The following ADAMTS19 variants were observed in gnomAD, a reference collection of about 807,000 sequenced individuals.
ADAMTS19 encodes the protein ADAM metallopeptidase with thrombospondin type 1 motif 19, also known as A disintegrin and metalloproteinase with thrombospondin motifs 19.
A neutral mutation model predicts 153.3 loss-of-function variants in ADAMTS19; 93 were observed. The ratio of observed to expected loss-of-function variants is 0.61; its 90% CI spans 0.51 to 0.72. ADAMTS19 has a LOEUF of 0.72. ADAMTS19 is among the 30% of genes least tolerant of loss of function. ADAMTS19 has a pLI of 0.00. For missense variants in ADAMTS19, 1,482 were observed against 1,552.1 expected (o/e 0.95, Z 0.76); for synonymous variants, 600 against 556.6 (o/e 1.08, Z -1.10).
intron 6 of ADAMTS19, among the ~76,000 whole-genome samples, chr5:129,537,074 A>AC (rs1752462885): frequency 6.6e-6 from 1 of 151,840 alleles, no homozygotes; most frequent in African/African-American, 2.4e-5. Flanking sequence ...ATTTAAAAAA[A>AC]AGAAAAAAGA....
At chr5:129,731,579 A>G (rs1378058309) in intron 21 of ADAMTS19, among the ~76,000 whole-genome samples, 1 of 152,108 alleles carries the variant, frequency 6.6e-6, no homozygotes, top group Non-Finnish European at 1.5e-5. Context: ...GCTGAGGACT[A>G]AAAACAAATC....
chr5:129,605,415 C>T (rs1750845804), intron 8 of ADAMTS19, among the ~76,000 whole-genome samples: 1 of 152,160 alleles, frequency 6.6e-6, no homozygotes, highest in African/African-American at 2.4e-5. Flanking sequence ...GGGACTTGGC[C>T]TTTCCTTTGA....
chr5:129,622,403 T>G (rs1242798983), intron 10 of ADAMTS19, 55 bp downstream of exon 10: 1 of 1,590,606 alleles, frequency 6.3e-7, no homozygotes, highest in Admixed American at 1.7e-5. Context: ...AAGTATTGAT[T>G]GGTAGGAGAA....
chr5:129,528,640 G>A lies in ADAMTS19; in HGVS notation c.1291G>A (p.Asp431Asn). 6 of 1,602,062 alleles carry A rather than the reference G, an allele frequency of 3.7e-6. No individual in the cohort carries two copies. The highest frequency in any genetic ancestry group is 5.1e-6 in the Non-Finnish European group (6 of 1,175,306). ...HLEMSTNWGEDMTSVDAAILI... is the reference protein window; with the variant it reads ...HLEMSTNWGENMTSVDAAILI... ...AGAGATGTCAACAAACTGGGGGGAA[G>A]ACATGACTTCAGTGGATGCAGCTAT... The change falls in exon 6 of 23, where the codon GAC becomes AAC. Residue 431 changes from aspartate (D) to asparagine (N), a missense_variant. Coordinates refer to ENST00000274487, the MANE Select transcript of ADAMTS19 (RefSeq NM_133638.6).
chr5:129,472,739 G>A lies in ADAMTS19; in HGVS notation c.747+10982G>A, dbSNP rs564563936. Among the ~76,000 whole-genome samples, 4 of 151,274 alleles carry A rather than the reference G, an allele frequency of 2.6e-5. No individual in the cohort carries two copies. In the East Asian group the frequency reaches 7.7e-4, roughly 29 times the overall value. ...TTGTAGCAGGAGAATTACTCCAGCT[G>A]TTTCACAATATTATTATAGTTATAT... On this transcript the variant is annotated intron_variant, in intron 2 of 22. Coordinates refer to ENST00000274487, the MANE Select transcript of ADAMTS19 (RefSeq NM_133638.6).
chr5:129,557,008 A>G (rs972843914), intron 7 of ADAMTS19, among the ~76,000 whole-genome samples: 14 of 152,204 alleles, frequency 9.2e-5, no homozygotes, highest in African/African-American at 3.4e-4. Flanking sequence ...TTTCTAAGTT[A>G]ATGTTGCCTC....
chr5:129,507,034 T>A (rs1022342931), intron 2 of ADAMTS19, among the ~76,000 whole-genome samples: 16 of 152,054 alleles, frequency 1.1e-4, no homozygotes, highest in Non-Finnish European at 4.4e-5. Context: ...CTTGGAGTCA[T>A]TAAATTTTAT....
intron 10 of ADAMTS19, among the ~76,000 whole-genome samples, chr5:129,637,095 T>G (rs1752564840): frequency 6.6e-6 from 1 of 152,182 alleles, no homozygotes; most frequent in South Asian, 2.1e-4. Context: ...TGTCAAGATG[T>G]CATCTTTGCC....
chr5:129,600,195 C>T (rs1247103988), intron 8 of ADAMTS19, among the ~76,000 whole-genome samples: 1 of 151,976 alleles, frequency 6.6e-6, no homozygotes, highest in Non-Finnish European at 1.5e-5. Context: ...TCTACAGATT[C>T]TATGTGCATG....
intron 13 of ADAMTS19, among the ~76,000 whole-genome samples, chr5:129,651,602 G>A (rs1287363706): frequency 6.6e-6 from 1 of 152,012 alleles, no homozygotes; most frequent in African/African-American, 2.4e-5. Context: ...CTTTGACATC[G>A]TTCTTTATTT....
chr5:129,527,944 A>C (rs1420416307), intron 5 of ADAMTS19, 113 bp downstream of exon 5: 1 of 637,452 alleles, frequency 1.6e-6, no homozygotes, highest in African/African-American at 1.9e-5. Context: ...ATATCCACTG[A>C]ATCACTTAAA....
chr5:129,612,991 C>T (rs1276755850), intron 8 of ADAMTS19, among the ~76,000 whole-genome samples: 2 of 152,126 alleles, frequency 1.3e-5, no homozygotes, highest in Non-Finnish European at 1.5e-5. Context: ...AGCTAACTAT[C>T]CTAAATATAT....
chr5:129,713,758 TAA>T (rs370266801), intron 21 of ADAMTS19, among the ~76,000 whole-genome samples: 26 of 128,276 alleles, frequency 2.0e-4, no homozygotes, highest in Non-Finnish European at 2.7e-4. Flanking sequence ...AGACTCTATC[TAA>T]AAAAAAAAAA....
At chr5:129,638,611 C>G (rs543609823) in intron 10 of ADAMTS19, among the ~76,000 whole-genome samples, 8 of 150,744 alleles carry the variant, frequency 5.3e-5, no homozygotes, top group Non-Finnish European at 1.2e-4. Context: ...ACAAGCTATT[C>G]TAATAATTAT....
At chr5:129,613,592 T>C (rs898931485) in intron 8 of ADAMTS19, among the ~76,000 whole-genome samples, 5 of 151,912 alleles carry the variant, frequency 3.3e-5, no homozygotes, top group African/African-American at 4.8e-5. Context: ...AGGAAAGATC[T>C]AAAATTGACA....
At chr5:129,570,876 G>A (rs1393738627) in intron 7 of ADAMTS19, among the ~76,000 whole-genome samples, 1 of 151,742 alleles carries the variant, frequency 6.6e-6, no homozygotes, top group Non-Finnish European at 1.5e-5. Context: ...ATCTATTCAT[G>A]GTTTAAAAAA....
intron 7 of ADAMTS19, among the ~76,000 whole-genome samples, chr5:129,574,240 G>T (rs961583452): frequency 1.3e-5 from 2 of 152,034 alleles, no homozygotes; most frequent in East Asian, 3.9e-4. Flanking sequence ...CAATTCTACC[G>T]GTGGGAAAAC....
intron 20 of ADAMTS19, among the ~76,000 whole-genome samples, chr5:129,702,038 T>G (rs1029666853): frequency 6.6e-6 from 1 of 152,190 alleles, no homozygotes; most frequent in Non-Finnish European, 1.5e-5. Context: ...AAACTTAAGT[T>G]TCATCATTTT....
At chr5:129,711,085 G>A (rs1384475220) in intron 21 of ADAMTS19, among the ~76,000 whole-genome samples, 1 of 152,094 alleles carries the variant, frequency 6.6e-6, no homozygotes, top group Non-Finnish European at 1.5e-5. Flanking sequence ...GTGAGAATTT[G>A]TATAGCTTCC....
Sources: allele counts gnomAD v4.1 joint callset (sites outside exome capture counted in the v4.1 genomes callset), GRCh38; gene constraint gnomAD v4.1.1; transcripts MANE v1.5; gene names NCBI Gene and HGNC (gene_info 2026-07-23, HGNC 2026-07-21).